The following POSTN variants were observed in gnomAD, a reference collection of about 807,000 sequenced individuals.
The protein encoded by POSTN is periostin.
Under a neutral mutation model 104.5 loss-of-function variants are expected in POSTN, and 71 were observed. The observed-to-expected ratio is 0.68, with a 90% CI of 0.56 to 0.83. POSTN has a LOEUF of 0.83. Ranked by LOEUF, POSTN falls within the 40% of genes least tolerant of loss-of-function variation. The pLI, the probability that POSTN is intolerant of heterozygous loss-of-function variation, is 0.00. For synonymous variants in POSTN, 355 were observed against 340.7 expected (o/e 1.04, Z -0.46); for missense variants, 949 against 1,006.8 (o/e 0.94, Z 0.78).
At chr13:37,595,898 C>CTG (rs1322502220) in intron 2 of POSTN, among the ~76,000 whole-genome samples, 1 of 151,218 alleles carries the variant, frequency 6.6e-6, no homozygotes, top group African/African-American at 2.4e-5. Flanking sequence ...GCAACCTCCA[C>CTG]CTCCTAGGTT....
chr13:37,581,956 T>A (rs527952946), intron 10 of POSTN, among the ~76,000 whole-genome samples: 2 of 152,334 alleles, frequency 1.3e-5, no homozygotes, highest in African/African-American at 4.8e-5. Flanking sequence ...ATGCAGAAAC[T>A]AATCAACACC....
chr13:37,586,036 G>T, intron 7 of POSTN, 103 bp downstream of exon 7: 1 of 1,196,068 alleles, frequency 8.4e-7, no homozygotes. Flanking sequence ...ATTTTTCCCT[G>T]CCTTTGCTTA....
In POSTN at chr13:37,568,216, T is replaced by C. The variant is rs190353689; in HGVS notation, c.2431+1084A>G. 2.0e-3 allele frequency among the ~76,000 whole-genome samples: 299 copies of C among 152,196 alleles called. 1 individual carries two copies. The highest frequency in any genetic ancestry group is 6.9e-3 in the African/African-American group (288 of 41,568). On this transcript the variant is annotated intron_variant, in intron 21 of 22. Coordinates refer to ENST00000379747, the MANE Select transcript of POSTN (RefSeq NM_006475.3). Reference sequence around the variant, plus strand: ...AGGAAACTTGTATTTTTCAGACATATATATTTCTATTGAGGGAAAATTCAA... The same window carrying C: ...AGGAAACTTGTATTTTTCAGACATACATATTTCTATTGAGGGAAAATTCAA...
rs958362667 is a variant in POSTN, at chr13:37,579,890, A to G, written c.1631T>C (p.Met544Thr). ...FVPTNDAFKG[M>T]TSEEKEILIR... ...CAGAATTTCTTTTTCTTCACTAGTC[A>G]TTCCCTTAAAAGCATCATTGGTTGG... The change falls in exon 12 of 23, where the codon ATG becomes ACG. Residue 544 changes from methionine (M) to threonine (T), a missense_variant. Transcript: ENST00000379747. 3.7e-6 allele frequency: 6 copies of G among 1,613,074 alleles called. No individual in the cohort carries two copies. The highest frequency in any genetic ancestry group is 1.3e-5 in the African/African-American group (1 of 74,894).
At chr13:37,572,335 A>C (rs906262447) in intron 17 of POSTN, among the ~76,000 whole-genome samples, 1 of 151,518 alleles carries the variant, frequency 6.6e-6, no homozygotes, top group Non-Finnish European at 1.5e-5. Context: ...CCAAAACGAA[A>C]CCAGCCTAGA....
chr13:37,581,591 T>C (rs922968737), intron 10 of POSTN, among the ~76,000 whole-genome samples: 1 of 152,074 alleles, frequency 6.6e-6, no homozygotes, highest in African/African-American at 2.4e-5. Flanking sequence ...AGGGTGATGT[T>C]GTGCACCTAT....
At chr13:37,568,009 G>GAA (rs397770497) in intron 21 of POSTN, among the ~76,000 whole-genome samples, 53 of 149,814 alleles carry the variant, frequency 3.5e-4, no homozygotes, top group African/African-American at 6.4e-4. Flanking sequence ...AGGACTGAAA[G>GAA]AAAAAAAAAA....
chr13:37,595,554 A>T (rs1951060241), intron 2 of POSTN, among the ~76,000 whole-genome samples: 1 of 152,202 alleles, frequency 6.6e-6, no homozygotes, highest in Non-Finnish European at 1.5e-5. Context: ...CCTTGTATAC[A>T]TGGTTCTTAC....
chr13:37,584,593 G>T, intron 8 of POSTN, 123 bp downstream of exon 8: 1 of 781,618 alleles, frequency 1.3e-6, no homozygotes, highest in Non-Finnish European at 2.0e-6. Context: ...TATTGTGTTA[G>T]TGCTTTGCAT....
chr13:37,565,271 T>C (rs1438520644), intron 21 of POSTN: 1 of 152,050 alleles, frequency 6.6e-6, no homozygotes, highest in Admixed American at 6.5e-5. Context: ...TCAATTTTCC[T>C]GTTTTTCTTT....
At chr13:37,597,436 C>G (rs533557057) in intron 1 of POSTN, among the ~76,000 whole-genome samples, 154 bp from the exon 2 acceptor site, 1 of 152,212 alleles carries the variant, frequency 6.6e-6, no homozygotes, top group East Asian at 1.9e-4. Flanking sequence ...TTGACACAAT[C>G]CTACTGAATT....
At position 37,598,713 on chromosome 13, in the gene POSTN, A is replaced by G. The variant is rs543811160; in HGVS notation, c.14T>C (p.Leu5Ser). The G allele has an allele frequency of 1.3e-5, 21 of 1,612,938 alleles. No homozygotes were observed. The South Asian group carries it at 2.1e-4, about 16-fold the overall frequency. MIPFLPMFSLLLLLI... is the reference protein window; with the variant it reads MIPFSPMFSLLLLLI... Reference sequence around the variant, plus strand: ...CAGCAATAGTAGAGAAAACATGGGTAAAAAGGGAATCATCTTGAGTCTCTC... The same window carrying G: ...CAGCAATAGTAGAGAAAACATGGGTGAAAAGGGAATCATCTTGAGTCTCTC... Residue 5 changes from leucine to serine, a missense_variant, in exon 1 of 23, where the codon TTA becomes TCA. Leu to Ser is a moderately radical substitution (Grantham distance 145). Coordinates refer to ENST00000379747, the MANE Select transcript of POSTN (RefSeq NM_006475.3).
At chr13:37,585,125 G>A (rs952467746) in intron 7 of POSTN, among the ~76,000 whole-genome samples, 197 bp from the exon 8 acceptor site, 4 of 152,156 alleles carry the variant, frequency 2.6e-5, no homozygotes, top group East Asian at 1.9e-4. Context: ...GCTCAGCTTC[G>A]TAGGAATAAT....
At chr13:37,590,262 G>T in intron 4 of POSTN, 110 bp downstream of exon 4, 1 of 849,142 alleles carries the variant, frequency 1.2e-6, no homozygotes, top group Non-Finnish European at 1.8e-6. Flanking sequence ...TCTCATATAT[G>T]TACAATAGAA....
At chr13:37,590,336 C>CA (rs753742583) in intron 4 of POSTN, 36 bp downstream of exon 4, 3 of 1,459,670 alleles carry the variant, frequency 2.1e-6, no homozygotes, top group South Asian at 2.7e-5. Flanking sequence ...ACAATAACAG[C>CA]AAAAAATAAA....
chr13:37,579,443 T>C (rs1950515345), intron 12 of POSTN, 84 bp from the exon 13 acceptor site: 2 of 1,119,326 alleles, frequency 1.8e-6, no homozygotes, highest in Admixed American at 2.3e-5. Context: ...TTAGTCTTTA[T>C]CTTTTTCCAT....
chr13:37,587,362 TTTC>T (rs1950780173), intron 5 of POSTN, among the ~76,000 whole-genome samples: 1 of 152,182 alleles, frequency 6.6e-6, no homozygotes, highest in Admixed American at 6.6e-5. Flanking sequence ...CTAAAAATTG[TTTC>T]TTCATTGACC....
intron 3 of POSTN, among the ~76,000 whole-genome samples, chr13:37,591,674 T>G (rs1462664372): frequency 6.6e-6 from 1 of 152,022 alleles, no homozygotes; most frequent in Non-Finnish European, 1.5e-5. Context: ...AAAGAGGAAA[T>G]AGATGAGCTA....
At chr13:37,585,516 C>T (rs531044699) in intron 7 of POSTN, among the ~76,000 whole-genome samples, 75 of 152,232 alleles carry the variant, frequency 4.9e-4, no homozygotes, top group African/African-American at 1.4e-3. Flanking sequence ...AAATTATTTC[C>T]GGAAGGCAAC....
Sources: allele counts gnomAD v4.1 joint callset (sites outside exome capture counted in the v4.1 genomes callset), GRCh38; gene constraint gnomAD v4.1.1; transcripts MANE v1.5; gene names NCBI Gene and HGNC (gene_info 2026-07-23, HGNC 2026-07-21).